RBFOX1: variants seen among roughly 807,000 people sequenced by gnomAD.
RBFOX1 encodes the protein RNA binding protein fox-1 homolog 1.
RBFOX1 carries 8 observed loss-of-function variants against 57.7 expected under a neutral mutation model. The ratio of observed to expected loss-of-function variants is 0.14; its 90% CI spans 0.08 to 0.25. The LOEUF is 0.25. RBFOX1 is among the 10% of genes least tolerant of loss of function. RBFOX1 has a pLI of 1.00. For missense variants in RBFOX1, 611 were observed against 548.5 expected (o/e 1.11, Z -1.14); for synonymous variants, 326 against 222.4 (o/e 1.47, Z -4.15).
chr16:6,472,466 A>G (rs989967333), intron 2 of RBFOX1, among the ~76,000 whole-genome samples: 7 of 152,048 alleles, frequency 4.6e-5, no homozygotes, highest in South Asian at 2.1e-4. Flanking sequence ...AGTCATTGCT[A>G]TTGGGGGTCT....
intron 4 of RBFOX1, among the ~76,000 whole-genome samples, chr16:7,450,351 G>A (rs749477510): frequency 4.1e-5 from 5 of 121,166 alleles, no homozygotes; most frequent in East Asian, 2.7e-4. Flanking sequence ...CCGCAATCGC[G>A]CCATTGCACT....
chr16:6,693,669 TCTG>T (rs1431341309), intron 3 of RBFOX1, among the ~76,000 whole-genome samples: 1 of 151,348 alleles, frequency 6.6e-6, no homozygotes, highest in Non-Finnish European at 1.5e-5. Context: ...ATCATCCTCA[TCTG>T]CTACCATCAC....
chr16:6,745,847 T>G (rs1441415855), intron 3 of RBFOX1, among the ~76,000 whole-genome samples: 1 of 152,170 alleles, frequency 6.6e-6, no homozygotes, highest in Non-Finnish European at 1.5e-5. Context: ...CTGTCTTTAT[T>G]CATAGGCAGC....
chr16:6,786,908 TAAA>T (rs58005268), intron 3 of RBFOX1, among the ~76,000 whole-genome samples: 3,430 of 149,998 alleles, frequency 0.023, 59 homozygotes, highest in South Asian at 0.062. Context: ...TTTTTACTTT[TAAA>T]AAAAAAAAGG....
chr16:5,889,460 C>G (rs1250856902), intron 4 of RBFOX1, among the ~76,000 whole-genome samples: 6 of 152,154 alleles, frequency 3.9e-5, no homozygotes, highest in African/African-American at 2.4e-5. Context: ...TTTATCCGTT[C>G]TATCATTGAT....
chr16:6,843,030 C>T (rs2093571039), intron 3 of RBFOX1, among the ~76,000 whole-genome samples: 1 of 152,074 alleles, frequency 6.6e-6, no homozygotes, highest in African/African-American at 2.4e-5. Flanking sequence ...CCTAGTATTC[C>T]ATGGTGTGTA....
At chr16:7,538,752 G>C (rs1272121020) in intron 5 of RBFOX1, among the ~76,000 whole-genome samples, 1 of 152,102 alleles carries the variant, frequency 6.6e-6, no homozygotes, top group Non-Finnish European at 1.5e-5. Flanking sequence ...AGATCAGCTT[G>C]GTACATATAC....
At chr16:7,191,448 C>T (rs2085366112) in intron 4 of RBFOX1, among the ~76,000 whole-genome samples, 1 of 152,012 alleles carries the variant, frequency 6.6e-6, no homozygotes, top group Non-Finnish European at 1.5e-5. Flanking sequence ...TGTAACACAT[C>T]ATTTAATGAA....
chr16:6,962,287 C>T (rs2083189471), intron 3 of RBFOX1, among the ~76,000 whole-genome samples: 2 of 152,088 alleles, frequency 1.3e-5, no homozygotes, highest in Admixed American at 6.6e-5. Flanking sequence ...GTCATTGGCC[C>T]ACCCTAAATT....
intron 3 of RBFOX1, among the ~76,000 whole-genome samples, chr16:6,939,502 C>CTTTCT (rs199681481): frequency 0.21 from 23,357 of 112,618 alleles, 2,082 homozygotes; most frequent in East Asian, 0.33. Flanking sequence ...CAGAATTTTT[C>CTTTCT]TTTCTTTTTT....
chr16:5,889,292 G>T (rs929573398), intron 4 of RBFOX1, among the ~76,000 whole-genome samples: 3 of 152,076 alleles, frequency 2.0e-5, no homozygotes, highest in African/African-American at 7.2e-5. Flanking sequence ...TCATCATTCA[G>T]CTCCCCCTTA....
At chr16:5,936,655 T>C (rs1268379364) in intron 4 of RBFOX1, among the ~76,000 whole-genome samples, 1 of 152,194 alleles carries the variant, frequency 6.6e-6, no homozygotes, top group Non-Finnish European at 1.5e-5. Flanking sequence ...AGGATGTACC[T>C]TTCAACTTGT....
At chr16:6,418,778 C>G (rs997586824) in intron 2 of RBFOX1, among the ~76,000 whole-genome samples, 2 of 152,150 alleles carry the variant, frequency 1.3e-5, no homozygotes, top group Admixed American at 6.5e-5. Context: ...GTCCCCCTGC[C>G]TTGGCCTCCC....
chr16:5,835,798 T>A (rs2151836708), intron 3 of RBFOX1, among the ~76,000 whole-genome samples: 1 of 152,356 alleles, frequency 6.6e-6, no homozygotes, highest in African/African-American at 2.4e-5. Flanking sequence ...TCTTCTTCTT[T>A]AGTCTTTTTC....
At chr16:7,084,814 G>A (rs554393792) in intron 4 of RBFOX1, among the ~76,000 whole-genome samples, 1 of 152,268 alleles carries the variant, frequency 6.6e-6, no homozygotes, top group South Asian at 2.1e-4. Flanking sequence ...CCTCTCTCAT[G>A]TCTGTCTGTA....
intron 1 of RBFOX1, among the ~76,000 whole-genome samples, chr16:6,292,945 A>T (rs1417036896): frequency 6.6e-6 from 1 of 152,180 alleles, no homozygotes; most frequent in East Asian, 1.9e-4. Flanking sequence ...TTAAGTACAC[A>T]CAGTGATATA....
At chr16:7,193,553 C>T (rs1396244225) in intron 4 of RBFOX1, among the ~76,000 whole-genome samples, 1 of 152,192 alleles carries the variant, frequency 6.6e-6, no homozygotes, top group East Asian at 1.9e-4. Context: ...CTTACACGTG[C>T]CAGATGCTCT....
At chr16:6,290,174 G>A (rs181451977) in intron 1 of RBFOX1, among the ~76,000 whole-genome samples, 1 of 141,954 alleles carries the variant, frequency 7.0e-6, no homozygotes, top group Non-Finnish European at 1.6e-5. Flanking sequence ...ACCTGAAAGT[G>A]AGCATTAGTT....
intron 14 of RBFOX1, among the ~76,000 whole-genome samples, chr16:7,677,865 C>T (rs536580793): frequency 2.6e-5 from 4 of 152,320 alleles, no homozygotes; most frequent in Admixed American, 2.6e-4. Flanking sequence ...GAAGCGTCAG[C>T]AGCCTCTGGT....
Sources: allele counts gnomAD v4.1 joint callset (sites outside exome capture counted in the v4.1 genomes callset), GRCh38; gene constraint gnomAD v4.1.1; transcripts MANE v1.5; gene names NCBI Gene and HGNC (gene_info 2026-07-23, HGNC 2026-07-21).